GRM7: variants seen among roughly 807,000 people sequenced by gnomAD.
GRM7 encodes metabotropic glutamate receptor 7.
A neutral mutation model predicts 84.5 loss-of-function variants in GRM7; 35 were observed. The observed-to-expected ratio is 0.41, with a 90% CI of 0.32 to 0.55. The LOEUF is 0.55. Among genes scored for constraint, GRM7 ranks in the 20% least tolerant of loss-of-function variants. The probability of loss-of-function intolerance (pLI) is 0.19; values close to 1 mark genes in which losing one functional copy is unlikely to be tolerated. For synonymous variants in GRM7, 487 were observed against 455.1 expected (o/e 1.07, Z -0.89); for missense variants, 1,003 against 1,194.6 (o/e 0.84, Z 2.36).
intron 4 of GRM7, among the ~76,000 whole-genome samples, chr3:7,404,284 A>T (rs2125163675): frequency 6.6e-6 from 1 of 152,270 alleles, no homozygotes; most frequent in South Asian, 2.1e-4. Context: ...AGGTCTTGGC[A>T]AGCACTCCTC....
intron 8 of GRM7, among the ~76,000 whole-genome samples, chr3:7,659,066 G>A (rs3804848): frequency 2.6e-5 from 4 of 152,024 alleles, no homozygotes; most frequent in East Asian, 3.9e-4. Context: ...CTGAATATTC[G>A]TTTGTCTGAA....
At chr3:7,515,741 G>A (rs1255717958) in intron 7 of GRM7, among the ~76,000 whole-genome samples, 3 of 152,084 alleles carry the variant, frequency 2.0e-5, no homozygotes, top group African/African-American at 7.2e-5. Context: ...ACTTTAGAAC[G>A]CCATAATCTC....
chr3:7,608,264 G>T (rs1410323315), intron 8 of GRM7, among the ~76,000 whole-genome samples: 5 of 152,054 alleles, frequency 3.3e-5, no homozygotes, highest in Non-Finnish European at 7.4e-5. Context: ...GAGATTGCTG[G>T]GTCAAGTAGT....
intron 1 of GRM7, among the ~76,000 whole-genome samples, chr3:7,027,078 A>G (rs1279840150): frequency 1.3e-5 from 2 of 152,000 alleles, no homozygotes; most frequent in Non-Finnish European, 2.9e-5. Context: ...CACAAATTCC[A>G]CCTCTTATTG....
At chr3:7,029,592 T>A (rs1315161952) in intron 1 of GRM7, among the ~76,000 whole-genome samples, 1 of 152,134 alleles carries the variant, frequency 6.6e-6, no homozygotes, top group African/African-American at 2.4e-5. Context: ...CAAAGGGTAA[T>A]AAGCCAGCTA....
At chr3:7,346,145 A>G (rs1222087977) in intron 4 of GRM7, among the ~76,000 whole-genome samples, 1 of 152,010 alleles carries the variant, frequency 6.6e-6, no homozygotes, top group African/African-American at 2.4e-5. Flanking sequence ...TGAGAAGGAA[A>G]ATGCTTATTA....
chr3:7,099,276 T>TGTATTATACATGTATATATGTAC (rs1698972344), intron 1 of GRM7, among the ~76,000 whole-genome samples: 1 of 75,924 alleles, frequency 1.3e-5, no homozygotes, highest in Non-Finnish European at 2.2e-5. Context: ...TATATATGAA[T>TGTATTATACATGTATATATGTAC]ACATGTATTA....
At chr3:7,446,169 A>G (rs1203955436) in intron 5 of GRM7, among the ~76,000 whole-genome samples, 1 of 152,228 alleles carries the variant, frequency 6.6e-6, no homozygotes, top group Non-Finnish European at 1.5e-5. Flanking sequence ...TGTGTAATGC[A>G]AAGTCTAAAA....
chr3:7,492,338 A>C (rs1349687691), intron 7 of GRM7, among the ~76,000 whole-genome samples: 1 of 152,118 alleles, frequency 6.6e-6, no homozygotes, highest in Admixed American at 6.6e-5. Context: ...TGCACCTAAA[A>C]GTTCACTTTT....
At chr3:7,313,568 C>G (rs1419351962) in intron 4 of GRM7, among the ~76,000 whole-genome samples, 8 of 152,054 alleles carry the variant, frequency 5.3e-5, no homozygotes, top group Non-Finnish European at 7.4e-5. Flanking sequence ...TTAATGGACT[C>G]TTACAAAATA....
rs375010705 is a variant in GRM7 at position 7,151,339 on chromosome 3, G to A, written c.736+4671G>A. ...GGAGAACTGCTTGAACCCAGGAGGC[G>A]GAGGTTGCAGTGAGCCGAGATTGCA... On this transcript the variant is annotated intron_variant, in intron 2 of 9. Transcript: ENST00000357716. The surrounding 1 kb of genome is among the most constrained non-coding windows in gnomAD (Gnocchi z 4.5). Among the ~76,000 whole-genome samples, 3 of 152,040 alleles carry A rather than the reference G, an allele frequency of 2.0e-5. No homozygotes were observed. The highest frequency in any genetic ancestry group is 4.4e-5 in the Non-Finnish European group (3 of 68,010).
At chr3:7,216,853 C>T (rs1696631068) in intron 2 of GRM7, among the ~76,000 whole-genome samples, 1 of 152,136 alleles carries the variant, frequency 6.6e-6, no homozygotes, top group African/African-American at 2.4e-5. Flanking sequence ...GTTGGATATA[C>T]ATTAAATTCT....
intron 1 of GRM7, among the ~76,000 whole-genome samples, chr3:7,044,217 C>T (rs1696725852): frequency 6.6e-6 from 1 of 152,126 alleles, no homozygotes; most frequent in African/African-American, 2.4e-5. Flanking sequence ...CAATATTTTG[C>T]AGAGAGTCAT....
At chr3:7,428,079 T>C (rs140260853) in intron 5 of GRM7, among the ~76,000 whole-genome samples, 79 of 152,312 alleles carry the variant, frequency 5.2e-4, no homozygotes, top group Admixed American at 2.6e-4. Context: ...GTGACCTATA[T>C]GTCTGTAGGC....
At chr3:7,426,153 CTT>C (rs1206298835) in intron 5 of GRM7, among the ~76,000 whole-genome samples, 3 of 148,778 alleles carry the variant, frequency 2.0e-5, no homozygotes, top group Non-Finnish European at 3.0e-5. Context: ...GAGTTTTGCT[CTT>C]GTTTCCCAGG....
At chr3:7,667,496 G>C (rs1338631979) in intron 8 of GRM7, among the ~76,000 whole-genome samples, 2 of 152,098 alleles carry the variant, frequency 1.3e-5, no homozygotes, top group Middle Eastern at 3.4e-3. Context: ...AACTTGAATA[G>C]AGAAATTGCC....
At chr3:7,072,817 A>G (rs75834378) in intron 1 of GRM7, among the ~76,000 whole-genome samples, 14,705 of 152,252 alleles carry the variant, frequency 0.097, 984 homozygotes, top group Non-Finnish European at 0.15. Flanking sequence ...TAGAAAGGAT[A>G]TTGATGTTTG....
At chr3:7,661,303 A>G (rs569270071) in intron 8 of GRM7, among the ~76,000 whole-genome samples, 2 of 152,354 alleles carry the variant, frequency 1.3e-5, no homozygotes, top group African/African-American at 4.8e-5. Flanking sequence ...ATTTGAACAG[A>G]TATGTCACCA....
chr3:7,367,281 C>T (rs1199908116), intron 4 of GRM7, among the ~76,000 whole-genome samples: 4 of 151,678 alleles, frequency 2.6e-5, no homozygotes, highest in Non-Finnish European at 5.9e-5. Flanking sequence ...ATGTACGACA[C>T]CATTGCTATA....
Sources: gnomAD v4.1 joint callset for allele counts (sites outside exome capture counted in the v4.1 genomes callset) on GRCh38, gnomAD v4.1.1 for gene constraint, Gnocchi (gnomAD v3.1) non-coding constraint, MANE v1.5 for transcripts, NCBI Gene and HGNC (gene_info 2026-07-23, HGNC 2026-07-21) for gene names.